STMN2: variants seen among roughly 807,000 people sequenced by gnomAD.
The protein encoded by STMN2 is stathmin 2.
Under a neutral mutation model 24.1 loss-of-function variants are expected in STMN2, and 2 were observed. That is an observed-to-expected ratio of 0.08 (90% confidence interval 0.03 to 0.26). The LOEUF is 0.26. Among genes scored for constraint, STMN2 ranks in the 10% least tolerant of loss-of-function variants. STMN2 has a pLI of 1.00. For synonymous variants in STMN2, 83 were observed against 77.5 expected, an observed-to-expected ratio of 1.07 and a Z score of -0.37; for missense variants, 114 against 213.6, an observed-to-expected ratio of 0.53 and a Z score of 2.91.
intron 1 of STMN2, among the ~76,000 whole-genome samples, chr8:79,617,556 A>G (rs1809413011): frequency 6.6e-6 from 1 of 152,268 alleles, no homozygotes; most frequent in Non-Finnish European, 1.5e-5. Context: ...GAAACTTTCC[A>G]TTTTTGCAAT....
chr8:79,633,992 C>A (rs1330032635), intron 1 of STMN2, among the ~76,000 whole-genome samples: 2 of 152,148 alleles, frequency 1.3e-5, no homozygotes, highest in African/African-American at 4.8e-5. Context: ...TCCGATACAG[C>A]TTTCATCTGT....
At position 79,658,557 on chromosome 8, in the gene STMN2, C is replaced by T. The variant is rs141669266; in HGVS notation, c.480+3495C>T. On this transcript the variant is annotated intron_variant, in intron 4 of 4. Transcript: ENST00000220876. The stretch of plus-strand genomic sequence containing the variant: ...TAAATACAAAGACACTGAATAATAT[C>T]AGTAAAAGTAAATTCACATCAAGGT... 8.6e-3 allele frequency among the ~76,000 whole-genome samples: 1,313 copies of T among 152,208 alleles called. 22 individuals are homozygous for T. The highest frequency in any genetic ancestry group is 0.03 in the African/African-American group (1,229 of 41,510).
chr8:79,664,115 G>A (rs1172891427), intron 4 of STMN2, among the ~76,000 whole-genome samples: 1 of 152,158 alleles, frequency 6.6e-6, no homozygotes, highest in Non-Finnish European at 1.5e-5. Context: ...GATTTATGCA[G>A]GTGTTCAAAT....
At chr8:79,625,696 G>C (rs1419286062) in intron 1 of STMN2, among the ~76,000 whole-genome samples, 1 of 152,158 alleles carries the variant, frequency 6.6e-6, no homozygotes, top group Non-Finnish European at 1.5e-5. Context: ...AGTGGCTCAC[G>C]CCTGTAATCC....
At chr8:79,655,205 G>A (rs1199206076) in intron 4 of STMN2, 143 bp downstream of exon 4, 3 of 833,316 alleles carry the variant, frequency 3.6e-6, no homozygotes, top group African/African-American at 3.4e-5. Context: ...GGGTCTCACA[G>A]TGTAGCATTG....
intron 1 of STMN2, among the ~76,000 whole-genome samples, chr8:79,633,027 C>A (rs1481356758): frequency 6.6e-6 from 1 of 152,072 alleles, no homozygotes; most frequent in Non-Finnish European, 1.5e-5. Flanking sequence ...TCTCTTTGCA[C>A]TATTTCCCTT....
At chr8:79,622,215 TCA>T (rs1469586409) in intron 1 of STMN2, among the ~76,000 whole-genome samples, 1 of 152,204 alleles carries the variant, frequency 6.6e-6, no homozygotes, top group Non-Finnish European at 1.5e-5. Flanking sequence ...TATAATTTTC[TCA>T]GTTATGAAAT....
chr8:79,650,710 G>T (rs1164085816), intron 3 of STMN2, among the ~76,000 whole-genome samples: 2 of 152,068 alleles, frequency 1.3e-5, no homozygotes, highest in Non-Finnish European at 2.9e-5. Context: ...ACCCCAATGG[G>T]GTAGCAGAGA....
chr8:79,644,677 A>G (rs1012365697), intron 3 of STMN2, among the ~76,000 whole-genome samples: 28 of 152,238 alleles, frequency 1.8e-4, no homozygotes, highest in Non-Finnish European at 7.3e-5. Flanking sequence ...AAACAAAACT[A>G]TAGATGTCCA....
At chr8:79,648,934 GATTAA>G (rs1238244566) in intron 3 of STMN2, among the ~76,000 whole-genome samples, 2 of 152,090 alleles carry the variant, frequency 1.3e-5, no homozygotes, top group African/African-American at 4.8e-5. Flanking sequence ...CCCTAAAAGA[GATTAA>G]ATTAAAAATC....
At chr8:79,615,699 C>T (rs1490369739) in intron 1 of STMN2, among the ~76,000 whole-genome samples, 1 of 152,028 alleles carries the variant, frequency 6.6e-6, no homozygotes, top group African/African-American at 2.4e-5. Context: ...TTTCTTTTAC[C>T]AGGAACATTC....
intron 2 of STMN2, among the ~76,000 whole-genome samples, chr8:79,640,561 C>T (rs1379524749): frequency 6.6e-6 from 1 of 152,142 alleles, no homozygotes; most frequent in African/African-American, 2.4e-5. Flanking sequence ...TGGCTCCAGC[C>T]GAGTACACTA....
At chr8:79,616,539 C>T (rs773814207) in intron 1 of STMN2, among the ~76,000 whole-genome samples, 6 of 152,134 alleles carry the variant, frequency 3.9e-5, no homozygotes, top group Non-Finnish European at 7.4e-5. Flanking sequence ...TGATTCAATA[C>T]ATCTGGCTTG....
intron 1 of STMN2, among the ~76,000 whole-genome samples, chr8:79,611,417 T>C (rs1809217201): frequency 6.6e-6 from 1 of 152,174 alleles, no homozygotes; most frequent in Non-Finnish European, 1.5e-5. Context: ...AGAATTTCTT[T>C]TAAAAGGTAG....
rs1324416146 is a variant in STMN2, at chr8:79,663,575, T to C, written c.481-1240T>C. 7.9e-6 allele frequency: 12 copies of C among 1,517,652 alleles called. No homozygotes were observed. The East Asian group carries it at 2.9e-4, about 37-fold the overall frequency. 94.0% of individuals were successfully genotyped at this position (1,517,652 alleles called of 1,614,324 possible). A position where few individuals can be genotyped will look rare whatever the true frequency, so the allele number is the denominator to read the frequency against. On this transcript the variant is annotated intron_variant, in intron 4 of 4. Coordinates refer to ENST00000220876, the MANE Select transcript of STMN2 (RefSeq NM_007029.4). ...TAGAGTTTAACGATAAGTTTTACTT[T>C]ATAGCTGGTCAAGTTTATTTCTTCT...
chr8:79,664,454 C>A (rs1318461560), intron 4 of STMN2, among the ~76,000 whole-genome samples: 1 of 151,966 alleles, frequency 6.6e-6, no homozygotes, highest in African/African-American at 2.4e-5. Context: ...ATTATAAAGT[C>A]CTTAAAATAT....
chr8:79,655,196 G>A (rs1806315914), intron 4 of STMN2, 134 bp downstream of exon 4: 3 of 926,098 alleles, frequency 3.2e-6, no homozygotes, highest in South Asian at 1.8e-5. Context: ...CCATGGGCAG[G>A]GTCTCACAGT....
chr8:79,656,297 C>T (rs1185535419), intron 4 of STMN2, among the ~76,000 whole-genome samples: 1 of 152,170 alleles, frequency 6.6e-6, no homozygotes, highest in African/African-American at 2.4e-5. Context: ...ACGAGTACTG[C>T]TGACTTGGGC....
intron 3 of STMN2, among the ~76,000 whole-genome samples, chr8:79,650,821 C>G (rs1011845691): frequency 1.3e-5 from 2 of 152,094 alleles, no homozygotes; most frequent in Non-Finnish European, 2.9e-5. Context: ...CGCCTGTAGT[C>G]CCAGCTGTGC....
Sources: allele counts gnomAD v4.1 joint callset (sites outside exome capture counted in the v4.1 genomes callset), GRCh38; gene constraint gnomAD v4.1.1; transcripts MANE v1.5; gene names NCBI Gene and HGNC (gene_info 2026-07-23, HGNC 2026-07-21).